Variants in KIAA1328 observed in about 807,000 individuals in gnomAD.
KIAA1328 encodes the protein KIAA1328, also known as protein hinderin.
A neutral mutation model predicts 68.1 loss-of-function variants in KIAA1328; 52 were observed. The ratio of observed to expected loss-of-function variants is 0.76; its 90% confidence interval spans 0.61 to 0.96. KIAA1328 has a LOEUF of 0.96. KIAA1328 is among the 40% of genes least tolerant of loss of function. The pLI is 0.00. For synonymous variants in KIAA1328, 232 were observed against 239.4 expected (o/e 0.97, Z 0.28); for missense variants, 641 against 677.6 (o/e 0.95, Z 0.60).
intron 6 of KIAA1328, among the ~76,000 whole-genome samples, chr18:37,022,568 A>G (rs2054388314): frequency 6.6e-6 from 1 of 152,186 alleles, no homozygotes; most frequent in African/African-American, 2.4e-5. Flanking sequence ...TGACCTGGAA[A>G]GTGAAGACCT....
intron 6 of KIAA1328, among the ~76,000 whole-genome samples, chr18:36,972,835 A>T (rs1017846881): frequency 2.0e-5 from 3 of 152,172 alleles, no homozygotes; most frequent in African/African-American, 7.2e-5. Flanking sequence ...CCTGAGGGCC[A>T]TTGGTGCATA....
At chr18:36,982,470 CAA>C (rs1036743481) in intron 6 of KIAA1328, among the ~76,000 whole-genome samples, 3 of 151,226 alleles carry the variant, frequency 2.0e-5, no homozygotes, top group African/African-American at 7.3e-5. Flanking sequence ...ACAGTGCAAA[CAA>C]GAGCACATTA....
intron 9 of KIAA1328, among the ~76,000 whole-genome samples, chr18:37,186,318 C>T (rs2059799232): frequency 6.6e-6 from 1 of 151,780 alleles, no homozygotes; most frequent in African/African-American, 2.4e-5. Flanking sequence ...ACGCTCCCAA[C>T]ACTTTGGGAG....
At chr18:36,945,812 T>C (rs1442934148) in intron 5 of KIAA1328, among the ~76,000 whole-genome samples, 1 of 152,208 alleles carries the variant, frequency 6.6e-6, no homozygotes, top group Non-Finnish European at 1.5e-5. Context: ...GGTGTGGTTG[T>C]TTCCTTCTCA....
At chr18:36,933,133 GA>G (rs2151155564) in intron 5 of KIAA1328, among the ~76,000 whole-genome samples, 1 of 151,932 alleles carries the variant, frequency 6.6e-6, no homozygotes, top group East Asian at 1.9e-4. Context: ...AATTTCTAAG[GA>G]AAACAAATAA....
intron 5 of KIAA1328, among the ~76,000 whole-genome samples, chr18:36,953,399 TA>T (rs2051252226): frequency 7.1e-6 from 1 of 141,740 alleles, no homozygotes; most frequent in Non-Finnish European, 1.5e-5. Context: ...GATAGATAGA[TA>T]GATAGATAGA....
At chr18:36,875,938 C>T (rs944255242) in intron 4 of KIAA1328, among the ~76,000 whole-genome samples, 1 of 151,880 alleles carries the variant, frequency 6.6e-6, no homozygotes, top group African/African-American at 2.4e-5. Context: ...TGGTTTTTGT[C>T]ATTGTTTCTG....
At chr18:37,174,818 C>T (rs984175441) in intron 9 of KIAA1328, among the ~76,000 whole-genome samples, 2 of 151,924 alleles carry the variant, frequency 1.3e-5, no homozygotes, top group Non-Finnish European at 2.9e-5. Flanking sequence ...TGGTCTTGAT[C>T]TCCTGACCTT....
chr18:36,830,497 C>G (rs894454657), intron 1 of KIAA1328, among the ~76,000 whole-genome samples: 23 of 152,030 alleles, frequency 1.5e-4, no homozygotes, highest in Admixed American at 9.2e-4. Flanking sequence ...TCTGCATTGA[C>G]ATAATTTTGT....
intron 6 of KIAA1328, among the ~76,000 whole-genome samples, chr18:36,975,045 TA>T (rs1319955599): frequency 6.6e-6 from 1 of 152,166 alleles, no homozygotes; most frequent in Non-Finnish European, 1.5e-5. Flanking sequence ...CATGCTGAGA[TA>T]AAAAGTCTTG....
chr18:36,946,367 C>G (rs1275353886), intron 5 of KIAA1328: 2 of 152,182 alleles, frequency 1.3e-5, no homozygotes, highest in African/African-American at 4.8e-5. Context: ...TGGGCCTCCT[C>G]TCACTGGTGT....
chr18:36,884,746 T>C (rs527504614), intron 4 of KIAA1328, among the ~76,000 whole-genome samples: 21 of 152,290 alleles, frequency 1.4e-4, no homozygotes, highest in African/African-American at 5.1e-4. Context: ...ACAGAGAAAT[T>C]TGGGGTTAAT....
intron 9 of KIAA1328, among the ~76,000 whole-genome samples, chr18:37,195,710 G>T (rs147426478): frequency 2.0e-5 from 3 of 152,026 alleles, no homozygotes; most frequent in Non-Finnish European, 4.4e-5. Flanking sequence ...TTTTTAGTAC[G>T]ATTCAAAGTT....
chr18:37,162,944 T>G (rs1356541701), intron 8 of KIAA1328, among the ~76,000 whole-genome samples: 2 of 151,858 alleles, frequency 1.3e-5, no homozygotes, highest in African/African-American at 2.4e-5. Flanking sequence ...AGCAAAGATA[T>G]GTACAGTATT....
chr18:37,174,538 A>G (rs2059561828), intron 9 of KIAA1328, among the ~76,000 whole-genome samples: 3 of 148,824 alleles, frequency 2.0e-5, no homozygotes, highest in Admixed American at 2.0e-4. Context: ...GCCCACCACC[A>G]CACCCGGCTA....
chr18:36,953,569 A>G (rs971927757), intron 5 of KIAA1328, among the ~76,000 whole-genome samples: 8 of 152,010 alleles, frequency 5.3e-5, no homozygotes, highest in Non-Finnish European at 8.8e-5. Flanking sequence ...TGTCACGGGA[A>G]ATGCCACTTG....
intron 6 of KIAA1328, among the ~76,000 whole-genome samples, chr18:37,035,624 T>C (rs2054996259): frequency 6.6e-6 from 1 of 152,206 alleles, no homozygotes; most frequent in Non-Finnish European, 1.5e-5. Context: ...GTCTCCAAGA[T>C]AGAAAATAAG....
rs558505849 is a variant in KIAA1328 at position 36,869,047 on chromosome 18, C to CT, written c.333-16496dup. ...TTCAGTGACTCAGGTTTTTTTCTTT[C>CT]TTTTTTTTTTTTTTGTCTTCCCACC... is the stretch of plus-strand genomic sequence containing the variant. On this transcript the variant is annotated intron_variant, in intron 4 of 9. Transcript: ENST00000280020. Among the ~76,000 whole-genome samples, 1,291 of 132,236 alleles carry CT rather than the reference C, an allele frequency of 9.8e-3. 16 individuals carry two copies. Among genetic ancestry groups the CT allele is most frequent in the African/African-American group, 0.026 (940 of 35,730 alleles). The allele number at this position is 132,236 out of a possible 152,430, so 86.8% of individuals were successfully genotyped here. A position where few individuals can be genotyped will look rare whatever the true frequency, so the allele number is the denominator to read the frequency against.
intron 5 of KIAA1328, among the ~76,000 whole-genome samples, chr18:36,891,607 A>G (rs922465065): frequency 2.6e-5 from 4 of 152,202 alleles, no homozygotes; most frequent in Non-Finnish European, 4.4e-5. Context: ...AATGGCCTCC[A>G]GCTCCATCCA....
Sources: gnomAD v4.1 joint callset for allele counts (sites outside exome capture counted in the v4.1 genomes callset) on GRCh38, gnomAD v4.1.1 for gene constraint, MANE v1.5 for transcripts, NCBI Gene and HGNC (gene_info 2026-07-23, HGNC 2026-07-21) for gene names.